NSMCE2: variants seen among roughly 807,000 people sequenced by gnomAD.
The protein encoded by NSMCE2 is E3 SUMO-protein ligase NSE2.
Under a neutral mutation model 23.8 loss-of-function variants are expected in NSMCE2, and 24 were observed. The observed-to-expected ratio is 1.01, with a 90% CI of 0.73 to 1.42. NSMCE2 has a LOEUF of 1.42. Ranked by LOEUF, NSMCE2 falls within the 40% of genes most tolerant of loss-of-function variation. The pLI is 0.00. For missense variants in NSMCE2, 284 were observed against 296.5 expected, an observed-to-expected ratio of 0.96 and a Z score of 0.31; for synonymous variants, 92 against 94.1, an observed-to-expected ratio of 0.98 and a Z score of 0.13.
intron 5 of NSMCE2, among the ~76,000 whole-genome samples, chr8:125,292,993 A>T (rs1251199625): frequency 6.6e-6 from 1 of 152,224 alleles, no homozygotes; most frequent in Admixed American, 6.5e-5. Context: ...GTCTAATTCC[A>T]TAATTTTACT....
At chr8:125,211,183 G>T (rs914749224) in intron 5 of NSMCE2, among the ~76,000 whole-genome samples, 2 of 152,006 alleles carry the variant, frequency 1.3e-5, no homozygotes, top group Admixed American at 6.6e-5. Context: ...TTCTTTAAAG[G>T]TTTTATCTTT....
intron 5 of NSMCE2, among the ~76,000 whole-genome samples, chr8:125,316,779 C>A (rs111884398): frequency 7.1e-6 from 1 of 140,682 alleles, no homozygotes; most frequent in African/African-American, 2.7e-5. Flanking sequence ...TTCTCTCTCT[C>A]TCTTTCTTTC....
intron 5 of NSMCE2, among the ~76,000 whole-genome samples, chr8:125,327,956 G>A (rs1338201766): frequency 1.3e-5 from 2 of 152,140 alleles, no homozygotes; most frequent in Non-Finnish European, 2.9e-5. Flanking sequence ...ATATTAAAGA[G>A]CTCCTCCTCA....
chr8:125,220,269 A>T (rs1001531228), intron 5 of NSMCE2, among the ~76,000 whole-genome samples: 1 of 152,126 alleles, frequency 6.6e-6, no homozygotes, highest in Non-Finnish European at 1.5e-5. Flanking sequence ...TTATTTTAAC[A>T]TGTTTTTGTG....
At chr8:125,247,866 A>G (rs1439880569) in intron 5 of NSMCE2, among the ~76,000 whole-genome samples, 1 of 152,228 alleles carries the variant, frequency 6.6e-6, no homozygotes, top group African/African-American at 2.4e-5. Context: ...ATATTACTCT[A>G]GAGTAATAGA....
intron 5 of NSMCE2, among the ~76,000 whole-genome samples, chr8:125,259,304 G>A (rs1826578788): frequency 6.6e-6 from 1 of 152,162 alleles, no homozygotes; most frequent in Admixed American, 6.6e-5. Flanking sequence ...CCAGTCGGTG[G>A]CCTGTTAGGA....
chr8:125,269,075 T>C (rs1201358460), intron 5 of NSMCE2, among the ~76,000 whole-genome samples: 7 of 152,094 alleles, frequency 4.6e-5, no homozygotes, highest in Non-Finnish European at 1.0e-4. Context: ...TATATTTGAC[T>C]CTTTAACTTT....
chr8:125,303,204 G>A (rs1284476763), intron 5 of NSMCE2, among the ~76,000 whole-genome samples: 1 of 152,206 alleles, frequency 6.6e-6, no homozygotes, highest in African/African-American at 2.4e-5. Flanking sequence ...TGAACCTGCA[G>A]TTCAGCTTTG....
chr8:125,304,086 A>G (rs1828664021), intron 5 of NSMCE2, among the ~76,000 whole-genome samples: 1 of 152,210 alleles, frequency 6.6e-6, no homozygotes, highest in South Asian at 2.1e-4. Context: ...ACTGACATAT[A>G]TACAGGATAA....
intron 5 of NSMCE2, among the ~76,000 whole-genome samples, chr8:125,277,282 C>G (rs941178309): frequency 6.6e-6 from 1 of 152,140 alleles, no homozygotes; most frequent in African/African-American, 2.4e-5. Context: ...ATCATTCTTG[C>G]TAGCTCCTGA....
At chr8:125,230,202 A>T (rs74735124) in intron 5 of NSMCE2, among the ~76,000 whole-genome samples, 72 of 152,326 alleles carry the variant, frequency 4.7e-4, no homozygotes, top group African/African-American at 1.7e-3. Context: ...ATTCATCCAG[A>T]TATCAGATAT....
At chr8:125,195,882 T>C (rs1463611944) in intron 5 of NSMCE2, among the ~76,000 whole-genome samples, 1 of 133,964 alleles carries the variant, frequency 7.5e-6, no homozygotes. Context: ...TGAATAACTT[T>C]TTTTTTTTTT....
rs1478191184 is a variant in NSMCE2, at chr8:125,206,117, C to T, written c.418+23861C>T. ...TATCATATAATATTAAATGTTAAAG[C>T]AGTATAAATATTTATATGTATTCTG... On this transcript the variant is annotated intron_variant, in intron 5 of 7. Transcript: ENST00000287437. Among the ~76,000 whole-genome samples the T allele has an allele frequency of 2.6e-5, 4 of 152,068 alleles. No homozygotes were observed. The East Asian group carries it at 7.7e-4, about 29-fold the overall frequency.
At chr8:125,157,208 G>A (rs1274815940) in intron 4 of NSMCE2, among the ~76,000 whole-genome samples, 1 of 152,168 alleles carries the variant, frequency 6.6e-6, no homozygotes, top group Admixed American at 6.5e-5. Flanking sequence ...ACTCTTGTCA[G>A]CAGAATAGCA....
At chr8:125,250,796 G>T (rs752364095) in intron 5 of NSMCE2, among the ~76,000 whole-genome samples, 1 of 151,916 alleles carries the variant, frequency 6.6e-6, no homozygotes, top group South Asian at 2.1e-4. Context: ...GATAACAAGC[G>T]TGAGCCACCA....
Position 125,243,504 on chromosome 8 carries a change from A to ATT in NSMCE2, c.418+61248_418+61249insTT, listed in dbSNP as rs1346229530. Among the ~76,000 whole-genome samples, 7 of 151,760 alleles carry ATT rather than the reference A, an allele frequency of 4.6e-5. No individual in the cohort carries two copies. In the East Asian group the frequency reaches 9.7e-4, roughly 21 times the overall value. On this transcript the variant is annotated intron_variant, in intron 5 of 7. Transcript: ENST00000287437. ...CCTTGCAAAAATAATAATTTTTTAA[A>ATT]AAAAAAAACCTCTAAATTTCTAATG...
chr8:125,341,912 A>C (rs903748919), intron 5 of NSMCE2, among the ~76,000 whole-genome samples: 20 of 151,672 alleles, frequency 1.3e-4, no homozygotes, highest in African/African-American at 4.3e-4. Context: ...AAAAAAAAAA[A>C]AAAAAAAAAA....
At chr8:125,301,463 T>C (rs768130645) in intron 5 of NSMCE2, among the ~76,000 whole-genome samples, 8 of 152,042 alleles carry the variant, frequency 5.3e-5, no homozygotes, top group African/African-American at 1.9e-4. Flanking sequence ...CCTCACTACA[T>C]GGAGGTGGCG....
intron 3 of NSMCE2, among the ~76,000 whole-genome samples, chr8:125,128,433 A>C (rs1563667045): frequency 6.6e-6 from 1 of 152,174 alleles, no homozygotes; most frequent in Non-Finnish European, 1.5e-5. Context: ...TGGTTTATTG[A>C]ATATGGAAAT....
Sources: allele counts gnomAD v4.1 joint callset (sites outside exome capture counted in the v4.1 genomes callset), GRCh38; gene constraint gnomAD v4.1.1; transcripts MANE v1.5; gene names NCBI Gene and HGNC (gene_info 2026-07-23, HGNC 2026-07-21).